Variants in PPP1R14C observed in about 807,000 individuals in gnomAD.
The protein encoded by PPP1R14C is protein phosphatase 1 regulatory subunit 14C.
Under a neutral mutation model 20.4 loss-of-function variants are expected in PPP1R14C, and 16 were observed. The observed-to-expected ratio is 0.78, with a 90% CI of 0.53 to 1.19. PPP1R14C has a LOEUF of 1.19. Among genes scored for constraint, PPP1R14C ranks in the 50% most tolerant of loss-of-function variants. The pLI, the probability that PPP1R14C is intolerant of heterozygous loss-of-function variation, is 0.00. For missense variants in PPP1R14C, 211 were observed against 220.1 expected (o/e 0.96, Z 0.26); for synonymous variants, 91 against 91.0 (o/e 1.00, Z 0.00).
chr6:150,172,615 C>T (rs372640156), intron 1 of PPP1R14C, among the ~76,000 whole-genome samples: 1 of 152,074 alleles, frequency 6.6e-6, no homozygotes, highest in Admixed American at 6.6e-5. Context: ...TCTTATGAAG[C>T]CTTGGTTTAT....
chr6:150,235,683 C>T (rs1450253111), intron 3 of PPP1R14C, among the ~76,000 whole-genome samples: 1 of 152,164 alleles, frequency 6.6e-6, no homozygotes, highest in Non-Finnish European at 1.5e-5. Flanking sequence ...TTCTTCCTTT[C>T]CTCCTTCCCC....
In PPP1R14C at chr6:150,218,132, G is replaced by C. The variant is rs977663878; in HGVS notation, c.423+1276G>C. ...TAAGAAAAAAAAATTGGCCTGTCGC[G>C]GTGGCTCATGCCTGTGATCACAGCA... On this transcript the variant is annotated intron_variant, in intron 3 of 3. Coordinates refer to ENST00000361131, the MANE Select transcript of PPP1R14C (RefSeq NM_030949.3). Among the ~76,000 whole-genome samples the C allele has an allele frequency of 2.0e-5, 3 of 152,084 alleles. No homozygotes were observed. In the South Asian group the frequency reaches 6.2e-4, roughly 32 times the overall value.
At chr6:150,209,420 C>T (rs1484937437) in intron 1 of PPP1R14C, among the ~76,000 whole-genome samples, 1 of 136,398 alleles carries the variant, frequency 7.3e-6, no homozygotes, top group Non-Finnish European at 1.7e-5. Flanking sequence ...GTGTATATAT[C>T]TGTGTGTTTA....
chr6:150,227,753 A>G (rs920985248), intron 3 of PPP1R14C, among the ~76,000 whole-genome samples: 1 of 152,230 alleles, frequency 6.6e-6, no homozygotes, highest in Non-Finnish European at 1.5e-5. Context: ...ATTGAGAAGG[A>G]CAGACCAGAA....
intron 3 of PPP1R14C, among the ~76,000 whole-genome samples, chr6:150,228,780 T>C (rs2114922293): frequency 6.6e-6 from 1 of 152,268 alleles, no homozygotes; most frequent in Non-Finnish European, 1.5e-5. Context: ...TTTTTCACTA[T>C]ACACTCTTAG....
chr6:150,154,248 A>G (rs1777281364), intron 1 of PPP1R14C, among the ~76,000 whole-genome samples: 1 of 152,242 alleles, frequency 6.6e-6, no homozygotes, highest in South Asian at 2.1e-4. Flanking sequence ...GTAATCTCTT[A>G]AGGGCTGGGC....
intron 3 of PPP1R14C, among the ~76,000 whole-genome samples, chr6:150,232,729 A>G (rs1312819087): frequency 6.6e-6 from 1 of 152,192 alleles, no homozygotes; most frequent in Non-Finnish European, 1.5e-5. Context: ...CCTTATAAGT[A>G]GGGACTACTT....
chr6:150,239,200 C>T (rs1048946767), intron 3 of PPP1R14C, among the ~76,000 whole-genome samples: 1 of 152,220 alleles, frequency 6.6e-6, no homozygotes, highest in Non-Finnish European at 1.5e-5. Context: ...TTTCTTTCAG[C>T]ATGTCCAATA....
chr6:150,244,565 A>C (rs1401093590), intron 3 of PPP1R14C, among the ~76,000 whole-genome samples: 3 of 152,234 alleles, frequency 2.0e-5, no homozygotes, highest in Non-Finnish European at 4.4e-5. Flanking sequence ...GGGATAATAG[A>C]AAGAGTCCCT....
At chr6:150,157,662 A>C (rs551630223) in intron 1 of PPP1R14C, among the ~76,000 whole-genome samples, 1 of 152,158 alleles carries the variant, frequency 6.6e-6, no homozygotes, top group African/African-American at 2.4e-5. Flanking sequence ...ATCTCATGCC[A>C]TGTCATAACA....
chr6:150,240,967 C>T (rs1485118312), intron 3 of PPP1R14C, among the ~76,000 whole-genome samples: 2 of 152,100 alleles, frequency 1.3e-5, no homozygotes, highest in African/African-American at 2.4e-5. Flanking sequence ...TCTTTGACCG[C>T]AGTTCTTGAC....
intron 1 of PPP1R14C, among the ~76,000 whole-genome samples, chr6:150,151,352 G>A (rs12332856): frequency 0.18 from 26,792 of 152,122 alleles, 2,847 homozygotes; most frequent in South Asian, 0.29. Context: ...CCAAGATTAC[G>A]TGGCATGCTT....
intron 1 of PPP1R14C, among the ~76,000 whole-genome samples, chr6:150,151,307 G>A (rs772281022): frequency 6.6e-6 from 1 of 152,066 alleles, no homozygotes; most frequent in African/African-American, 2.4e-5. Flanking sequence ...TTCCCTCAGT[G>A]GGCGGCAGGC....
intron 1 of PPP1R14C, chr6:150,195,854 T>C (rs1777798256): frequency 1.3e-5 from 13 of 985,376 alleles, no homozygotes; most frequent in Non-Finnish European, 1.6e-5. Flanking sequence ...CACAGAGCTA[T>C]GGGAGGCCAG....
chr6:150,190,436 T>C (rs1266074483), intron 1 of PPP1R14C, among the ~76,000 whole-genome samples: 1 of 142,444 alleles, frequency 7.0e-6, no homozygotes, highest in Admixed American at 7.0e-5. Context: ...TATTTTGCCT[T>C]TTTTTTTTTT....
chr6:150,173,360 G>T (rs150205259), intron 1 of PPP1R14C, among the ~76,000 whole-genome samples: 1 of 151,658 alleles, frequency 6.6e-6, no homozygotes, highest in African/African-American at 2.4e-5. Flanking sequence ...TCCCTATGGT[G>T]AGTGCCCGGG....
At chr6:150,207,119 T>C (rs1777962583) in intron 1 of PPP1R14C, among the ~76,000 whole-genome samples, 1 of 152,160 alleles carries the variant, frequency 6.6e-6, no homozygotes, top group Admixed American at 6.5e-5. Context: ...TGCCTCGATC[T>C]CCCAAAGTGC....
At position 150,201,402 on chromosome 6, in the gene PPP1R14C, G is replaced by C. The variant is rs1348615764; in HGVS notation, c.307-13342G>C. On this transcript the variant is annotated intron_variant, in intron 1 of 3. Coordinates refer to ENST00000361131, the MANE Select transcript of PPP1R14C (RefSeq NM_030949.3). The surrounding 1 kb of genome is among the most constrained non-coding windows in gnomAD (Gnocchi z 4.2). Reference sequence around the variant, plus strand: ...CTTTAGGAAGTGATGGCTGACACGAGATAACAAGAAGAGTGTCCTACACAT... The same window carrying C: ...CTTTAGGAAGTGATGGCTGACACGACATAACAAGAAGAGTGTCCTACACAT... 6.6e-6 allele frequency among the ~76,000 whole-genome samples: 1 copy of C among 152,226 alleles called. No homozygotes were observed. Among genetic ancestry groups the C allele is most frequent in the East Asian group, 1.9e-4 (1 of 5,192 alleles).
intron 3 of PPP1R14C, among the ~76,000 whole-genome samples, chr6:150,241,675 C>G (rs9480039): frequency 0.011 from 1,679 of 152,182 alleles, 29 homozygotes; most frequent in African/African-American, 0.039. Flanking sequence ...TCACTTGAGG[C>G]CAGGAGTTCG....
Sources: gnomAD v4.1 joint callset for allele counts (sites outside exome capture counted in the v4.1 genomes callset) on GRCh38, gnomAD v4.1.1 for gene constraint, Gnocchi (gnomAD v3.1) non-coding constraint, MANE v1.5 for transcripts, NCBI Gene and HGNC (gene_info 2026-07-23, HGNC 2026-07-21) for gene names.